Variants in ERBB4 observed in about 807,000 individuals in gnomAD.
The protein encoded by ERBB4 is receptor tyrosine-protein kinase erbB-4.
Under a neutral mutation model 158.0 loss-of-function variants are expected in ERBB4, and 42 were observed. That is an observed-to-expected ratio of 0.27 (90% CI 0.21 to 0.34). ERBB4 has a LOEUF of 0.34. ERBB4 is among the 10% of genes least tolerant of loss of function. The pLI, the probability that ERBB4 is intolerant of heterozygous loss-of-function variation, is 1.00. For synonymous variants in ERBB4, 583 were observed against 558.7 expected, an observed-to-expected ratio of 1.04 and a Z score of -0.61; for missense variants, 1,333 against 1,624.1, an observed-to-expected ratio of 0.82 and a Z score of 3.08.
At chr2:212,276,028 G>A (rs1306025053) in intron 1 of ERBB4, among the ~76,000 whole-genome samples, 1 of 151,720 alleles carries the variant, frequency 6.6e-6, no homozygotes, top group East Asian at 1.9e-4. Flanking sequence ...CCTCAGATAA[G>A]TGGACCCATG....
Position 211,387,147 on chromosome 2 carries a change from G to A in ERBB4, c.3187C>T (p.Gln1063Ter), listed in dbSNP as rs1254318693. 1 of 1,610,888 alleles carries A rather than the reference G, an allele frequency of 6.2e-7. No individual in the cohort carries two copies. Among genetic ancestry groups the A allele is most frequent in the African/African-American group, 1.3e-5 (1 of 74,876 alleles). The change falls in exon 27 of 28, where the codon CAG (glutamine) becomes TAG (stop). Residue 1063 changes from glutamine (Q) to a stop codon, truncating the protein, a stop_gained. Transcript: ENST00000342788. LOFTEE classifies it high-confidence loss of function. ...PPAYTPMSGN[Q>*]FVYRDGGFAA... is the part of the protein sequence containing the mutation. ...AAACCTCCATCTCGGTATACAAACT[G>A]GTTCTGTTAATAAGAGAAACATATG...
chr2:211,669,602 C>T (rs1256849562), intron 14 of ERBB4, among the ~76,000 whole-genome samples: 1 of 152,126 alleles, frequency 6.6e-6, no homozygotes, highest in Non-Finnish European at 1.5e-5. Context: ...ATATAGAAGA[C>T]CAAGTGTGGA....
chr2:211,678,828 A>C (rs111926249), intron 13 of ERBB4, among the ~76,000 whole-genome samples: 1 of 151,724 alleles, frequency 6.6e-6, no homozygotes, highest in African/African-American at 2.4e-5. Context: ...TTAGCCGGGC[A>C]TGGTGGCGGG....
intron 3 of ERBB4, among the ~76,000 whole-genome samples, chr2:211,869,269 G>A (rs2078283868): frequency 6.6e-6 from 1 of 152,182 alleles, no homozygotes. Flanking sequence ...TTAACAGTTA[G>A]CAGACACAAG....
chr2:212,179,439 T>C (rs1330290911), intron 1 of ERBB4, among the ~76,000 whole-genome samples: 2 of 151,266 alleles, frequency 1.3e-5, no homozygotes, highest in Admixed American at 1.3e-4. Context: ...TGGTATATTC[T>C]AAAACTAGTA....
At chr2:211,932,750 G>A (rs1450040881) in intron 3 of ERBB4, among the ~76,000 whole-genome samples, 1 of 151,790 alleles carries the variant, frequency 6.6e-6, no homozygotes, top group East Asian at 1.9e-4. Flanking sequence ...CTTTGGCATT[G>A]AATGTTTCTT....
At chr2:211,709,292 C>CAT (rs1176289939) in intron 9 of ERBB4, among the ~76,000 whole-genome samples, 2,703 of 131,286 alleles carry the variant, frequency 0.021, 75 homozygotes, top group African/African-American at 0.081. Context: ...TATATATATA[C>CAT]ATATATATAT....
In ERBB4 at chr2:212,081,441, C is replaced by T. The variant is rs181219044; in HGVS notation, c.234+43311G>A. ...AAATTGCCTTTCCTGGATGACAGTG[C>T]GGTACTAATCATGTAATGCCATCAC... On this transcript the variant is annotated intron_variant, in intron 2 of 27. Transcript: ENST00000342788. Among the ~76,000 whole-genome samples, 31 of 152,198 alleles carry T rather than the reference C, an allele frequency of 2.0e-4. No individual in the cohort carries two copies. The South Asian group carries it at 5.2e-3, about 25-fold the overall frequency.
At chr2:211,517,852 C>T (rs1345128200) in intron 20 of ERBB4, among the ~76,000 whole-genome samples, 3 of 152,132 alleles carry the variant, frequency 2.0e-5, no homozygotes, top group Admixed American at 1.3e-4. Context: ...TTTGATGTCT[C>T]CTATGTTGAT....
intron 16 of ERBB4, among the ~76,000 whole-genome samples, chr2:211,632,861 T>C (rs2070197206): frequency 6.6e-6 from 1 of 152,098 alleles, no homozygotes; most frequent in African/African-American, 2.4e-5. Context: ...TTCTTTACTG[T>C]TTTCTTACCA....
chr2:212,134,676 CTTTTTTT>C (rs869141215), intron 1 of ERBB4, among the ~76,000 whole-genome samples: 2 of 69,058 alleles, frequency 2.9e-5, no homozygotes, highest in Non-Finnish European at 5.1e-5. Flanking sequence ...TAAACACTTT[CTTTTTTT>C]TTTTTTTTTT....
At chr2:211,906,214 T>C (rs2079388785) in intron 3 of ERBB4, among the ~76,000 whole-genome samples, 1 of 152,060 alleles carries the variant, frequency 6.6e-6, no homozygotes, top group Non-Finnish European at 1.5e-5. Context: ...TGTACCATAG[T>C]GGAAGCATTG....
intron 1 of ERBB4, among the ~76,000 whole-genome samples, chr2:212,394,039 C>T (rs762778336): frequency 6.6e-6 from 1 of 152,004 alleles, no homozygotes; most frequent in African/African-American, 2.4e-5. Flanking sequence ...ACTTGCATAC[C>T]CTTTACCTCT....
chr2:211,872,879 G>A (rs76380118), intron 3 of ERBB4, among the ~76,000 whole-genome samples: 4 of 151,282 alleles, frequency 2.6e-5, no homozygotes, highest in African/African-American at 9.7e-5. Flanking sequence ...TACACAAGGT[G>A]GAGGGAGAAC....
At chr2:211,523,167 CA>C (rs2066235615) in intron 20 of ERBB4, among the ~76,000 whole-genome samples, 2 of 141,136 alleles carry the variant, frequency 1.4e-5, no homozygotes, top group Non-Finnish European at 1.5e-5. Context: ...CTGCCTAAAA[CA>C]AAAAAGCACC....
At chr2:211,474,634 T>G (rs1017685971) in intron 20 of ERBB4, among the ~76,000 whole-genome samples, 2 of 152,118 alleles carry the variant, frequency 1.3e-5, no homozygotes, top group African/African-American at 4.8e-5. Flanking sequence ...ATTTCCAATA[T>G]GTTGATTTTG....
At chr2:212,383,414 GAAGGA>G (rs1419794688) in intron 1 of ERBB4, among the ~76,000 whole-genome samples, 2 of 151,508 alleles carry the variant, frequency 1.3e-5, no homozygotes, top group African/African-American at 4.8e-5. Context: ...CCGAAAGAAA[GAAGGA>G]AAGAAACAAG....
At chr2:212,091,525 C>T (rs1377168528) in intron 2 of ERBB4, among the ~76,000 whole-genome samples, 1 of 151,952 alleles carries the variant, frequency 6.6e-6, no homozygotes, top group Admixed American at 6.6e-5. Flanking sequence ...TTAACACTGC[C>T]AATGGTTGCT....
At chr2:212,460,137 C>A (rs1323703663) in intron 1 of ERBB4, among the ~76,000 whole-genome samples, 1 of 152,154 alleles carries the variant, frequency 6.6e-6, no homozygotes, top group African/African-American at 2.4e-5. Context: ...ACTTGCTCTT[C>A]CTTGCCTTCC....
Sources: allele counts gnomAD v4.1 joint callset (sites outside exome capture counted in the v4.1 genomes callset), GRCh38; gene constraint gnomAD v4.1.1; transcripts MANE v1.5; gene names NCBI Gene and HGNC (gene_info 2026-07-23, HGNC 2026-07-21).